The following ELFN1 variants were observed in gnomAD, a reference collection of about 807,000 sequenced individuals.
The protein encoded by ELFN1 is extracellular leucine rich repeat and fibronectin type III domain containing 1, also known as protein ELFN1.
Under a neutral mutation model 7.6 loss-of-function variants are expected in ELFN1, and 6 were observed. That is an observed-to-expected ratio of 0.79 (90% confidence interval 0.43 to 1.56). The LOEUF (loss-of-function observed/expected upper bound fraction) is 1.56. ELFN1 is among the 40% of genes most tolerant of loss of function. ELFN1 has a pLI of 0.01. For synonymous variants in ELFN1, 657 were observed against 588.1 expected (o/e 1.12, Z -1.70); for missense variants, 1,169 against 1,232.2 (o/e 0.95, Z 0.77).
rs772222289 is a variant in ELFN1, at chr7:1,746,403, G to A, written c.1807G>A (p.Glu603Lys). Residue 603 changes from glutamate to lysine, a missense_variant, in exon 4 of 4, where the codon GAG (glutamate) becomes AAG (lysine). Coordinates refer to ENST00000424383, the MANE Select transcript of ELFN1 (RefSeq NM_001128636.4). ...VAEPPLVLLSEPLAAKHGFLA... is the reference protein window; with the variant it reads ...VAEPPLVLLSKPLAAKHGFLA... ...GGAGCCGCCGCTGGTGCTGCTGTCC[G>A]AGCCGCTGGCCGCCAAGCACGGCTT... 3.3e-5 allele frequency: 51 copies of A among 1,536,340 alleles called. No individual in the cohort carries two copies. The highest frequency in any genetic ancestry group is 3.2e-4 in the South Asian group (27 of 83,654).
At chr7:1,686,633 T>C (rs1318825406) in intron 1 of ELFN1, among the ~76,000 whole-genome samples, 1 of 152,194 alleles carries the variant, frequency 6.6e-6, no homozygotes, top group Non-Finnish European at 1.5e-5. Context: ...TAGATCTGCA[T>C]GTGGGTCTGT....
chr7:1,682,226 C>A (rs563465859), intron 1 of ELFN1, among the ~76,000 whole-genome samples: 19 of 152,162 alleles, frequency 1.2e-4, no homozygotes, highest in African/African-American at 4.3e-4. Context: ...TCTTCTAGGA[C>A]GTTTATAGCC....
chr7:1,674,629 G>C (rs192962578), intron 1 of ELFN1, among the ~76,000 whole-genome samples: 1 of 152,122 alleles, frequency 6.6e-6, no homozygotes. Flanking sequence ...GACAGTGGAC[G>C]GTGACCCCCC....
In ELFN1 at chr7:1,744,938, G is replaced by T. The variant is rs1780732972; in HGVS notation, c.342G>T (p.Gln114His). Residue 114 changes from glutamine (Q) to histidine (H), a missense_variant, in exon 4 of 4, where the codon CAG (glutamine) becomes CAT (histidine). Gln to His is a conservative substitution (Grantham distance 24, BLOSUM62 0). Coordinates refer to ENST00000424383, the MANE Select transcript of ELFN1 (RefSeq NM_001128636.4). ...FSGQFNLQVL[Q>H]LGYNRLRNLT... ...GCCAGTTCAACCTGCAGGTGCTGCA[G>T]CTGGGCTACAACCGGCTGCGCAACC... 6.4e-7 allele frequency: 1 copy of T among 1,552,092 alleles called. No homozygotes were observed. The highest frequency in any genetic ancestry group is 8.7e-7 in the Non-Finnish European group (1 of 1,147,288).
rs1385482517 is a variant in ELFN1 at position 1,740,530 on chromosome 7, G to A, written c.-293-3774G>A. ...CGAGGGCACAGGCTGGCGGGGCATC[G>A]AGAGTGACTTGAGTGAGCGAGCCCA... On this transcript the variant is annotated intron_variant, in intron 3 of 3. Transcript: ENST00000424383. The surrounding 1 kb of genome is among the most constrained non-coding windows in gnomAD (Gnocchi z 5.0). 2.6e-5 allele frequency among the ~76,000 whole-genome samples: 4 copies of A among 152,318 alleles called. No homozygotes were observed. Among genetic ancestry groups the A allele is most frequent in the South Asian group, 4.1e-4 (2 of 4,828 alleles).
intron 2 of ELFN1, among the ~76,000 whole-genome samples, chr7:1,691,475 G>T (rs1345085118): frequency 6.6e-6 from 1 of 152,204 alleles, no homozygotes; most frequent in African/African-American, 2.4e-5. Context: ...TAAGCGCTGT[G>T]GTCCCTGATG....
Position 1,695,769 on chromosome 7 carries a change from A to C in ELFN1, c.-456+7619A>C, listed in dbSNP as rs1222189377. The stretch of plus-strand genomic sequence containing the variant: ...TGTCAAAAAAAAAAAAAAAAAAAAA[A>C]AAACCGTGCTGGTTTGGTTTCACTG... On this transcript the variant is annotated intron_variant, in intron 2 of 3. Coordinates refer to ENST00000424383, the MANE Select transcript of ELFN1 (RefSeq NM_001128636.4). The surrounding 1 kb of genome is among the most constrained non-coding windows in gnomAD (Gnocchi z 5.1). 3.3e-5 allele frequency among the ~76,000 whole-genome samples: 5 copies of C among 151,740 alleles called. No homozygotes were observed. Among genetic ancestry groups the C allele is most frequent in the East Asian group, 1.9e-4 (1 of 5,150 alleles).
At chr7:1,680,633 C>A (rs1583312552) in intron 1 of ELFN1, among the ~76,000 whole-genome samples, 1 of 152,102 alleles carries the variant, frequency 6.6e-6, no homozygotes, top group Admixed American at 6.5e-5. Flanking sequence ...GTTGCACAAC[C>A]ATAACTACAT....
At position 1,746,907 on chromosome 7, in the gene ELFN1, C is replaced by T. The variant is rs1780818952; in HGVS notation, c.2311C>T (p.Arg771Trp). The T allele has an allele frequency of 6.5e-6, 10 of 1,547,768 alleles. No homozygotes were observed. Among genetic ancestry groups the T allele is most frequent in the South Asian group, 1.2e-5 (1 of 83,480 alleles). Residue 771 changes from arginine to tryptophan, a missense_variant, in exon 4 of 4, where the codon CGG (arginine) becomes TGG (tryptophan). Physicochemically the swap from Arg to Trp is moderately radical, Grantham distance 101. This residue lies in a region of ELFN1 where 914 missense variants were observed against 872.6 expected (regional missense o/e 1.05). Coordinates refer to ENST00000424383, the MANE Select transcript of ELFN1 (RefSeq NM_001128636.4). ...CTCCTCCAGCCCCGAGTACACCTGC[C>T]GGGCCTCCCAGAGCATCTGGGAGCG... ...SYSSSPEYTC[R>W]ASQSIWERFR...
intron 2 of ELFN1, among the ~76,000 whole-genome samples, chr7:1,697,293 C>T (rs574928262): frequency 3.9e-5 from 6 of 152,294 alleles, no homozygotes; most frequent in East Asian, 1.9e-4. Context: ...GACCCCTGCT[C>T]GGCTGCCGCA....
chr7:1,715,386 A>G (rs1380070649), intron 3 of ELFN1, among the ~76,000 whole-genome samples: 2 of 152,074 alleles, frequency 1.3e-5, no homozygotes, highest in Non-Finnish European at 2.9e-5. Context: ...TTCTCCTCAT[A>G]GGAGCCCGGC....
chr7:1,740,506 G>C lies in ELFN1; in HGVS notation c.-293-3798G>C, dbSNP rs1780577839. Among the ~76,000 whole-genome samples, 1 of 152,216 alleles carries C rather than the reference G, an allele frequency of 6.6e-6. No individual in the cohort carries two copies. The highest frequency in any genetic ancestry group is 2.4e-5 in the African/African-American group (1 of 41,444). On this transcript the variant is annotated intron_variant, in intron 3 of 3. Coordinates refer to ENST00000424383, the MANE Select transcript of ELFN1 (RefSeq NM_001128636.4). The surrounding 1 kb of genome is among the most constrained non-coding windows in gnomAD (Gnocchi z 5.0). ...GCGGCAGGTGTGAGTGCGGATCAGCGAGGGCACAGGCTGGCGGGGCATCGA... is the reference window on the plus strand; with the variant it reads ...GCGGCAGGTGTGAGTGCGGATCAGCCAGGGCACAGGCTGGCGGGGCATCGA...
At chr7:1,668,110 C>A (rs1322359341), upstream of ELFN1, among the ~76,000 whole-genome samples, 1 of 152,218 alleles carries the variant, frequency 6.6e-6, no homozygotes, top group Non-Finnish European at 1.5e-5. Context: ...CCCACGGCCC[C>A]GCGCGCGTAC....
upstream of ELFN1, among the ~76,000 whole-genome samples, chr7:1,669,325 C>A (rs1349684826): frequency 1.4e-5 from 2 of 144,368 alleles, no homozygotes; most frequent in Non-Finnish European, 3.0e-5. Flanking sequence ...GAACCAGAGG[C>A]GGGCGGGGGA....
At chr7:1,675,192 C>T (rs1315811564) in intron 1 of ELFN1, among the ~76,000 whole-genome samples, 1 of 152,226 alleles carries the variant, frequency 6.6e-6, no homozygotes, top group Non-Finnish European at 1.5e-5. Context: ...AGGACCCCAC[C>T]CCACAGAAGC....
intron 2 of ELFN1, among the ~76,000 whole-genome samples, chr7:1,707,561 C>T (rs560643588): frequency 7.2e-5 from 11 of 152,280 alleles, no homozygotes; most frequent in African/African-American, 1.4e-4. Flanking sequence ...GCTGGGTAGA[C>T]GGCAGGGCGG....
At chr7:1,670,077 C>G (rs957773404), upstream of ELFN1, among the ~76,000 whole-genome samples, 4 of 150,404 alleles carry the variant, frequency 2.7e-5, no homozygotes, top group South Asian at 2.1e-4. This position sits in a 1 kb window ranked among gnomAD's most constrained non-coding sequence, Gnocchi z 6.4. Context: ...CCAGAGGCTC[C>G]GAGCCGGACT....
In ELFN1 at chr7:1,693,780, A is replaced by G. The variant is rs754247310; in HGVS notation, c.-456+5630A>G. 22 of 470,690 alleles carry G rather than the reference A, an allele frequency of 4.7e-5. No individual in the cohort carries two copies. The Middle Eastern group carries it at 9.7e-4, about 21-fold the overall frequency. 29.2% of individuals were successfully genotyped at this position (470,690 alleles called of 1,614,324 possible). A position where few individuals can be genotyped will look rare whatever the true frequency, so the allele number is the denominator to read the frequency against. Reference sequence around the variant, plus strand: ...GTCTGGGAGACCCTGATCAGTGCTGACAGACACGGGGTGCGGGACACGTGG... The same window carrying G: ...GTCTGGGAGACCCTGATCAGTGCTGGCAGACACGGGGTGCGGGACACGTGG... On this transcript the variant is annotated intron_variant, in intron 2 of 3. Coordinates refer to ENST00000424383, the MANE Select transcript of ELFN1 (RefSeq NM_001128636.4).
chr7:1,707,062 C>G (rs780113096), intron 2 of ELFN1, among the ~76,000 whole-genome samples: 21 of 152,116 alleles, frequency 1.4e-4, no homozygotes, highest in Non-Finnish European at 2.8e-4. Context: ...TGTACACTCA[C>G]AGTCTGCTTG....
Sources: gnomAD v4.1 joint callset for allele counts (sites outside exome capture counted in the v4.1 genomes callset) on GRCh38, gnomAD v4.1.1 for gene constraint, gnomAD v4.1.1 regional missense constraint, Gnocchi (gnomAD v3.1) non-coding constraint, MANE v1.5 for transcripts, NCBI Gene and HGNC (gene_info 2026-07-23, HGNC 2026-07-21) for gene names.